CEP104: variants seen among roughly 807,000 people sequenced by gnomAD.
CEP104 encodes centrosomal protein 104.
In CEP104, 84 loss-of-function variants were observed where a neutral mutation model predicts 113.3. The ratio of observed to expected loss-of-function variants is 0.74; its 90% CI spans 0.62 to 0.89. The LOEUF (loss-of-function observed/expected upper bound fraction) is 0.89. Among genes scored for constraint, CEP104 ranks in the 40% least tolerant of loss-of-function variants. The probability of loss-of-function intolerance (pLI) is 0.00; values close to 1 mark genes in which losing one functional copy is unlikely to be tolerated. For synonymous variants in CEP104, 378 were observed against 421.7 expected (o/e 0.90, Z 1.27); for missense variants, 1,053 against 1,156.6 (o/e 0.91, Z 1.30).
rs1445581573 is a variant in CEP104, at chr1:3,812,363, A to C, written c.*3039T>G. The C allele has an allele frequency of 6.6e-6, 1 of 152,222 alleles. No homozygotes were observed. The highest frequency in any genetic ancestry group is 1.5e-5 in the Non-Finnish European group (1 of 68,042). 9.4% of individuals were successfully genotyped at this position (152,222 alleles called of 1,614,324 possible). On this transcript the variant is annotated 3_prime_UTR_variant, in exon 22 of 22. Transcript: ENST00000378230. ...ATAGAAATAAATATTAAATATTCAGAACATACTCATGAGTGAAAATTCAAT... is the reference window on the plus strand; with the variant it reads ...ATAGAAATAAATATTAAATATTCAGCACATACTCATGAGTGAAAATTCAAT...
chr1:3,836,490 T>TTTTTTG lies in CEP104; in HGVS notation c.1317+4_1317+5insCAAAAA. On this transcript the variant is annotated splice_donor_region_variant and intron_variant, in intron 10 of 21. Coordinates refer to ENST00000378230, the MANE Select transcript of CEP104 (RefSeq NM_014704.4). ...CCCGTTTTTTTTTTTTTTTTTTTTT[T>TTTTTTG]TTACCAAGGTTTCTCCCAACACATC... 1 of 1,555,006 alleles carries TTTTTTG rather than the reference T, an allele frequency of 6.4e-7. No individual in the cohort carries two copies. Among genetic ancestry groups the TTTTTTG allele is most frequent in the Non-Finnish European group, 8.6e-7 (1 of 1,161,044 alleles).
At chr1:3,832,486 G>C (rs1557672695) in intron 12 of CEP104, among the ~76,000 whole-genome samples, 1 of 134,476 alleles carries the variant, frequency 7.4e-6, no homozygotes, top group East Asian at 2.5e-4. Context: ...GTGTAGCGTA[G>C]GTCGTGACCA....
chr1:3,823,645 TC>T lies in CEP104; in HGVS notation c.2365-84del. On this transcript the variant is annotated intron_variant, in intron 18 of 21. Transcript: ENST00000378230. This position sits in a 1 kb window ranked among gnomAD's most constrained non-coding sequence, Gnocchi z 4.1. ...CCAGCCTGCAGAGCCTGTGAGCGCCTCCCCTGCCCAGGGAGGTCTGTGCCGC... is the reference window on the plus strand; with the variant it reads ...CCAGCCTGCAGAGCCTGTGAGCGCCTCCCTGCCCAGGGAGGTCTGTGCCGC... The T allele has an allele frequency of 3.8e-6, 6 of 1,566,940 alleles. No individual in the cohort carries two copies. Among genetic ancestry groups the T allele is most frequent in the Non-Finnish European group, 5.2e-6 (6 of 1,145,186 alleles).
intron 4 of CEP104, among the ~76,000 whole-genome samples, chr1:3,845,960 TC>T (rs1644498092): frequency 6.6e-6 from 1 of 151,854 alleles, no homozygotes; most frequent in South Asian, 2.1e-4. Flanking sequence ...ATGCCTGTAA[TC>T]CCAGCTACTC....
At chr1:3,842,237 G>A (rs1044671531) in intron 6 of CEP104, among the ~76,000 whole-genome samples, 15 of 152,154 alleles carry the variant, frequency 9.9e-5, no homozygotes, top group African/African-American at 3.1e-4. Context: ...CCGCCACCAC[G>A]CCCGGCTAAT....
rs751210989 is a variant in CEP104 at position 3,829,308 on chromosome 1, T to A, written c.2109A>T (p.Gln703His). Residue 703 changes from glutamine to histidine, a missense_variant, in exon 15 of 22, where the codon CAA becomes CAT. Physicochemically the swap from Gln to His is conservative, Grantham distance 24. Coordinates refer to ENST00000378230, the MANE Select transcript of CEP104 (RefSeq NM_014704.4). ...KQKKEEIKAL[Q>H]GQLAALKEIQ... ...TTTCTTTCAGTGCTGCCAGCTGCCC[T>A]TGTAAAGCTTTTATTTCTTCTTTCT... 6.2e-7 allele frequency: 1 copy of A among 1,600,502 alleles called. No homozygotes were observed. Among genetic ancestry groups the A allele is most frequent in the South Asian group, 1.1e-5 (1 of 87,542 alleles).
chr1:3,834,850 T>C lies in CEP104; in HGVS notation c.1485+75A>G. 28 of 1,383,050 alleles carry C rather than the reference T, an allele frequency of 2.0e-5. 1 individual carries two copies. In the South Asian group the frequency reaches 3.9e-4, roughly 19 times the overall value. 85.7% of individuals were successfully genotyped at this position (1,383,050 alleles called of 1,614,324 possible). ...ATGACCAACTGGTCCTCTCTCAAGC[T>C]GCTCTGGTCTTCTGTGGTACGGCGC... On this transcript the variant is annotated intron_variant, in intron 11 of 21. Coordinates refer to ENST00000378230, the MANE Select transcript of CEP104 (RefSeq NM_014704.4).
intron 2 of CEP104, among the ~76,000 whole-genome samples, chr1:3,851,181 G>A (rs540323525): frequency 2.6e-5 from 4 of 152,190 alleles, no homozygotes; most frequent in South Asian, 2.1e-4. Flanking sequence ...CCAGCTCTGC[G>A]GGTGACAAAG....
At chr1:3,849,774 C>T (rs1644576931) in intron 2 of CEP104, among the ~76,000 whole-genome samples, 1 of 151,856 alleles carries the variant, frequency 6.6e-6, no homozygotes, top group Non-Finnish European at 1.5e-5. Context: ...TATTATCATT[C>T]ATGGCGAGAT....
chr1:3,843,461 C>T lies in CEP104; in HGVS notation c.566+1446G>A, dbSNP rs543813416. 1.1e-5 allele frequency: 5 copies of T among 454,810 alleles called. No individual in the cohort carries two copies. In the South Asian group the frequency reaches 1.9e-4, roughly 17 times the overall value. The allele number at this position is 454,810 out of a possible 1,614,324, so 28.2% of individuals were successfully genotyped here. Reference sequence around the variant, plus strand: ...GCATGATCTCGGCTCAAGCGATCTTCCTGCCTCAATTTCCTGAGTAGTTGA... The same window carrying T: ...GCATGATCTCGGCTCAAGCGATCTTTCTGCCTCAATTTCCTGAGTAGTTGA... On this transcript the variant is annotated intron_variant, in intron 6 of 21. Transcript: ENST00000378230.
chr1:3,815,749 C>A (rs1032988974), intron 21 of CEP104, among the ~76,000 whole-genome samples: 5 of 151,610 alleles, frequency 3.3e-5, no homozygotes, highest in Non-Finnish European at 5.9e-5. Context: ...AGGGCAGTGG[C>A]GCAATATTGG....
At chr1:3,822,573 A>G (rs535411092) in intron 20 of CEP104, among the ~76,000 whole-genome samples, 2 of 152,318 alleles carry the variant, frequency 1.3e-5, no homozygotes, top group South Asian at 4.1e-4. Flanking sequence ...CCGCCAGCCC[A>G]TCGTGTTGGA....
intron 12 of CEP104, among the ~76,000 whole-genome samples, chr1:3,833,309 C>T (rs1160794712): frequency 6.6e-6 from 1 of 152,106 alleles, no homozygotes; most frequent in African/African-American, 2.4e-5. Context: ...GAAGGATCTG[C>T]ACATCACAAA....
At position 3,836,645 on chromosome 1, in the gene CEP104, C is replaced by T; in HGVS notation, c.1167G>A (p.Lys389=). 1 of 1,613,862 alleles carries T rather than the reference C, an allele frequency of 6.2e-7. No homozygotes were observed. Among genetic ancestry groups the T allele is most frequent in the Non-Finnish European group, 8.5e-7 (1 of 1,179,998 alleles). The part of the protein sequence containing the change: ...YDERPLPAIR[K]HYGEAVVEPE... ...GCTCCACCACTGCCTCCCCATAATG[C>T]TTACGAATAGCTGGAAGAGGCCGCT... The change falls in exon 10 of 22, where the codon AAG becomes AAA. Residue 389 remains lysine (K), a synonymous_variant. Coordinates refer to ENST00000378230, the MANE Select transcript of CEP104 (RefSeq NM_014704.4).
intron 13 of CEP104, among the ~76,000 whole-genome samples, 165 bp downstream of exon 13, chr1:3,830,881 A>G (rs1158111073): frequency 6.6e-6 from 1 of 152,138 alleles, no homozygotes; most frequent in African/African-American, 2.4e-5. Context: ...ATTAGACAGC[A>G]GGACGCATGT....
chr1:3,848,097 A>C (rs188130751), intron 3 of CEP104, among the ~76,000 whole-genome samples: 4 of 152,264 alleles, frequency 2.6e-5, no homozygotes, highest in Non-Finnish European at 4.4e-5. Context: ...TGAAAAGTAG[A>C]GTTGAATAGC....
intron 1 of CEP104, among the ~76,000 whole-genome samples, chr1:3,854,834 C>T (rs1319563000): frequency 7.3e-5 from 11 of 150,226 alleles, no homozygotes; most frequent in African/African-American, 2.7e-4. Flanking sequence ...CTTGAAAATA[C>T]CTCTTGTGCC....
In CEP104 at chr1:3,820,118, C is replaced by G. The variant is rs58645065; in HGVS notation, c.2571+3056G>C. Among the ~76,000 whole-genome samples, 1,356 of 152,176 alleles carry G rather than the reference C, an allele frequency of 8.9e-3. 43 individuals carry two copies. In the East Asian group the frequency reaches 0.1, roughly 11 times the overall value. On this transcript the variant is annotated intron_variant, in intron 20 of 21. Transcript: ENST00000378230. ...GTAAGGCAGTGCAGATAATGAGATACAGGGAAAGCAGATGACACATGAGAT... is the reference window on the plus strand; with the variant it reads ...GTAAGGCAGTGCAGATAATGAGATAGAGGGAAAGCAGATGACACATGAGAT...
At chr1:3,825,647 C>A in intron 18 of CEP104, 111 bp downstream of exon 18, 1 of 723,382 alleles carries the variant, frequency 1.4e-6, no homozygotes, top group Non-Finnish European at 2.4e-6. Context: ...ACTTTTCTCG[C>A]AACCTCTCCT....
Sources: allele counts gnomAD v4.1 joint callset (sites outside exome capture counted in the v4.1 genomes callset), GRCh38; gene constraint gnomAD v4.1.1; non-coding constraint Gnocchi (gnomAD v3.1); transcripts MANE v1.5; gene names NCBI Gene and HGNC (gene_info 2026-07-23, HGNC 2026-07-21).